The following ECHDC1 variants were observed in gnomAD, a reference collection of about 807,000 sequenced individuals.
The protein encoded by ECHDC1 is ethylmalonyl-CoA decarboxylase 1, also known as ethylmalonyl-CoA decarboxylase.
ECHDC1 carries 29 observed loss-of-function variants against 29.7 expected under a neutral mutation model. The ratio of observed to expected loss-of-function variants is 0.98; its 90% CI spans 0.73 to 1.33. ECHDC1 has a LOEUF of 1.33. ECHDC1 is among the 40% of genes most tolerant of loss of function. The pLI, the probability that ECHDC1 is intolerant of heterozygous loss-of-function variation, is 0.00. For synonymous variants in ECHDC1, 126 were observed against 123.1 expected (o/e 1.02, Z -0.15); for missense variants, 328 against 350.0 (o/e 0.94, Z 0.50).
intron 4 of ECHDC1, chr6:127,315,981 G>A (rs1562319449): frequency 2.1e-6 from 1 of 470,740 alleles, no homozygotes; most frequent in Non-Finnish European, 4.4e-6. Context: ...TTACCTAGGT[G>A]CAAAGTCAAT....
chr6:127,331,039 C>T lies in ECHDC1; in HGVS notation c.-2-9G>A, dbSNP rs773445365. ...AAGACTTTTCGCCATTTCTGGAAAA[C>T]AGAAATAAGTATGCGGTAGTATAGA... On this transcript the variant is annotated splice_polypyrimidine_tract_variant and intron_variant, in intron 1 of 5. Coordinates refer to ENST00000454859, the MANE Select transcript of ECHDC1 (RefSeq NM_001002030.2). 1.9e-6 allele frequency: 3 copies of T among 1,608,400 alleles called. No individual in the cohort carries two copies. In the African/African-American group the frequency reaches 4.0e-5, roughly 22 times the overall value.
intron 1 of ECHDC1, 61 bp from the exon 2 acceptor site, chr6:127,331,091 T>C: frequency 1.6e-6 from 2 of 1,248,432 alleles, no homozygotes; most frequent in South Asian, 2.5e-5. Context: ...TTTCTAATAT[T>C]ATGTGTTAAT....
At chr6:127,318,684 T>G (rs1381058362) in intron 3 of ECHDC1, among the ~76,000 whole-genome samples, 16 of 152,220 alleles carry the variant, frequency 1.1e-4, no homozygotes, top group Admixed American at 1.0e-3. Context: ...GTAAGTCCCT[T>G]GATGGTGACA....
chr6:127,341,393 A>G (rs1562340169), intron 1 of ECHDC1, among the ~76,000 whole-genome samples: 1 of 152,216 alleles, frequency 6.6e-6, no homozygotes, highest in Admixed American at 6.5e-5. Flanking sequence ...TTAACCTACT[A>G]TAGTATCTAA....
At chr6:127,325,325 G>C (rs1783222987) in intron 3 of ECHDC1, among the ~76,000 whole-genome samples, 1 of 152,186 alleles carries the variant, frequency 6.6e-6, no homozygotes, top group Admixed American at 6.5e-5. Flanking sequence ...AACAATGACA[G>C]CTAAAGGTAC....
intron 5 of ECHDC1, among the ~76,000 whole-genome samples, chr6:127,308,127 GA>G (rs1451305426): frequency 6.6e-6 from 1 of 152,016 alleles, no homozygotes; most frequent in Non-Finnish European, 1.5e-5. Flanking sequence ...TAGAGGAGGG[GA>G]TACTTCCGAA....
At chr6:127,340,296 T>C (rs893824274) in intron 1 of ECHDC1, among the ~76,000 whole-genome samples, 15 of 152,198 alleles carry the variant, frequency 9.9e-5, no homozygotes, top group African/African-American at 3.1e-4. Context: ...CAGTAGGTAT[T>C]GAGATAAGAC....
intron 5 of ECHDC1, among the ~76,000 whole-genome samples, chr6:127,305,779 C>G (rs1781392473): frequency 6.6e-6 from 1 of 151,922 alleles, no homozygotes; most frequent in Non-Finnish European, 1.5e-5. Flanking sequence ...TAATAAGATG[C>G]AGTATTTGCA....
chr6:127,326,790 G>A (rs149897795), intron 3 of ECHDC1: 96 of 501,390 alleles, frequency 1.9e-4, no homozygotes, highest in East Asian at 1.3e-3. Flanking sequence ...AACAAGAGCC[G>A]TTCGCAGATA....
At chr6:127,307,648 G>GAAAAAAAAAA (rs71024770) in intron 5 of ECHDC1, among the ~76,000 whole-genome samples, 881 of 48,424 alleles carry the variant, frequency 0.018, 104 homozygotes, top group East Asian at 0.051. Flanking sequence ...CTCTGTCTCA[G>GAAAAAAAAAA]AAAAAAAAAA....
At chr6:127,327,995 A>C (rs1226627603) in intron 2 of ECHDC1, among the ~76,000 whole-genome samples, 1 of 152,268 alleles carries the variant, frequency 6.6e-6, no homozygotes, top group Non-Finnish European at 1.5e-5. Context: ...TATAAAGATC[A>C]TAACAGCGGG....
chr6:127,305,629 C>CA (rs1283917733), intron 5 of ECHDC1, among the ~76,000 whole-genome samples: 6 of 151,904 alleles, frequency 3.9e-5, no homozygotes, highest in African/African-American at 1.5e-4. Flanking sequence ...CAGTATACAA[C>CA]AAAAAATTAA....
At chr6:127,313,230 G>A (rs547796845) in intron 5 of ECHDC1, 2 of 156,088 alleles carry the variant, frequency 1.3e-5, no homozygotes, top group Non-Finnish European at 2.9e-5. Flanking sequence ...TTGAGACAGA[G>A]TCTCACTCTG....
At chr6:127,312,777 AAC>A in intron 5 of ECHDC1, among the ~76,000 whole-genome samples, 1 of 152,312 alleles carries the variant, frequency 6.6e-6, no homozygotes, top group East Asian at 1.9e-4. Context: ...AAAATGCAAA[AAC>A]ACAGATAAAT....
At chr6:127,298,044 C>G (rs181926567) in intron 5 of ECHDC1, among the ~76,000 whole-genome samples, 219 of 152,240 alleles carry the variant, frequency 1.4e-3, no homozygotes, top group African/African-American at 5.1e-3. Context: ...CAACAGTGAA[C>G]TAATGTAAGT....
At chr6:127,326,954 T>C (rs1428014040) in intron 3 of ECHDC1, 48 bp downstream of exon 3, 10 of 1,573,756 alleles carry the variant, frequency 6.4e-6, no homozygotes, top group Non-Finnish European at 8.7e-6. Context: ...CTGCCATACA[T>C]GTCTAATAAA....
intron 3 of ECHDC1, chr6:127,317,815 T>TGC (rs1782519794): frequency 6.6e-6 from 1 of 152,186 alleles, no homozygotes; most frequent in African/African-American, 2.4e-5. Context: ...TTTTATATTT[T>TGC]TGCTGCTGCT....
chr6:127,303,678 C>T (rs1308381494), intron 5 of ECHDC1, among the ~76,000 whole-genome samples: 1 of 152,178 alleles, frequency 6.6e-6, no homozygotes, highest in Non-Finnish European at 1.5e-5. Flanking sequence ...AGCAAGTGAT[C>T]CTGAAGATCT....
At position 127,308,893 on chromosome 6, in the gene ECHDC1, A is replaced by T. The variant is rs143479491; in HGVS notation, c.497+5923T>A. Among the ~76,000 whole-genome samples the T allele has an allele frequency of 3.3e-5, 5 of 152,334 alleles. No homozygotes were observed. In the South Asian group the frequency reaches 1.0e-3, roughly 32 times the overall value. ...ACATAAAATTAAATACCTAGGAATT[A>T]ACCAAGGAAGTGAAACATGTCTATA... is the stretch of plus-strand genomic sequence containing the variant. On this transcript the variant is annotated intron_variant, in intron 5 of 5. Transcript: ENST00000454859.
Sources: gnomAD v4.1 joint callset for allele counts (sites outside exome capture counted in the v4.1 genomes callset) on GRCh38, gnomAD v4.1.1 for gene constraint, MANE v1.5 for transcripts, NCBI Gene and HGNC (gene_info 2026-07-23, HGNC 2026-07-21) for gene names.